LYPLAL1: variants seen among roughly 807,000 people sequenced by gnomAD.
The protein encoded by LYPLAL1 is lysophospholipase-like protein 1.
In LYPLAL1, 23 loss-of-function variants were observed where a neutral mutation model predicts 19.7. That is an observed-to-expected ratio of 1.17 (90% CI 0.84 to 1.65). The LOEUF (loss-of-function observed/expected upper bound fraction) is 1.65, where lower values mean the gene tolerates loss of function less well. Ranked by LOEUF, LYPLAL1 falls within the 40% of genes most tolerant of loss-of-function variation. The probability of loss-of-function intolerance (pLI) is 0.00; values close to 1 mark genes in which losing one functional copy is unlikely to be tolerated. For missense variants in LYPLAL1, 355 were observed against 279.4 expected (o/e 1.27, Z -1.93); for synonymous variants, 119 against 96.3 (o/e 1.24, Z -1.38).
At chr1:219,343,153 A>G in the LYPLAL1 span, among the ~76,000 whole-genome samples, 7 of 152,322 alleles carry the variant, frequency 4.6e-5, no homozygotes, top group African/African-American at 1.2e-4. Flanking sequence ...CTCCTCCCCA[A>G]TCAGCAATGA....
the LYPLAL1 span, among the ~76,000 whole-genome samples, chr1:219,329,299 G>C: frequency 6.6e-6 from 1 of 152,100 alleles, no homozygotes; most frequent in Middle Eastern, 3.2e-3. Context: ...AATATGAAAA[G>C]TCTTAACATG....
At chr1:219,306,608 C>T in the LYPLAL1 span, among the ~76,000 whole-genome samples, 5 of 152,010 alleles carry the variant, frequency 3.3e-5, no homozygotes, top group South Asian at 4.2e-4. Context: ...GCCTATTAGA[C>T]TTGGACTGGA....
At chr1:219,362,986 A>G in the LYPLAL1 span, among the ~76,000 whole-genome samples, 1 of 152,080 alleles carries the variant, frequency 6.6e-6, no homozygotes, top group African/African-American at 2.4e-5. Flanking sequence ...TTTTATTGCT[A>G]TATATGTTTT....
At chr1:219,180,745 T>G (rs1000064757) in intron 2 of LYPLAL1, among the ~76,000 whole-genome samples, 3 of 152,216 alleles carry the variant, frequency 2.0e-5, no homozygotes, top group African/African-American at 7.2e-5. Flanking sequence ...AACCTTATTC[T>G]AGGAATTAAT....
the LYPLAL1 span, among the ~76,000 whole-genome samples, chr1:219,235,195 C>A: frequency 2.0e-5 from 3 of 152,154 alleles, no homozygotes; most frequent in Non-Finnish European, 4.4e-5. Flanking sequence ...AGACACTTTG[C>A]AGAAGCTTGA....
chr1:219,355,703 A>C, the LYPLAL1 span, among the ~76,000 whole-genome samples: 1 of 152,184 alleles, frequency 6.6e-6, no homozygotes, highest in Non-Finnish European at 1.5e-5. Flanking sequence ...ATTCACCAAG[A>C]TAGACCATAT....
chr1:219,311,298 G>A, the LYPLAL1 span, among the ~76,000 whole-genome samples: 7 of 152,254 alleles, frequency 4.6e-5, no homozygotes, highest in Middle Eastern at 6.8e-3. Flanking sequence ...CTGAAAAATG[G>A]TGAAGTGTGA....
chr1:219,244,660 T>C, the LYPLAL1 span, among the ~76,000 whole-genome samples: 325 of 152,174 alleles, frequency 2.1e-3, 2 homozygotes, highest in African/African-American at 7.5e-3. Flanking sequence ...AAAAGACCAC[T>C]TGTGGCTGGG....
chr1:219,306,791 T>C, the LYPLAL1 span, among the ~76,000 whole-genome samples: 3 of 149,728 alleles, frequency 2.0e-5, no homozygotes, highest in Non-Finnish European at 4.5e-5. Flanking sequence ...GATAGATACA[T>C]AGACAGATGC....
chr1:219,222,401 T>C, the LYPLAL1 span: 1 of 152,090 alleles, frequency 6.6e-6, no homozygotes, highest in Non-Finnish European at 1.5e-5. Flanking sequence ...TTGTTTCCCA[T>C]GGGAAATTGT....
intron 2 of LYPLAL1, among the ~76,000 whole-genome samples, chr1:219,187,080 T>G (rs1182245453): frequency 6.6e-6 from 1 of 151,662 alleles, no homozygotes; most frequent in Non-Finnish European, 1.5e-5. Flanking sequence ...ATCCCCATCT[T>G]GTGTATGTTA....
chr1:219,303,716 G>C, the LYPLAL1 span, among the ~76,000 whole-genome samples: 1 of 152,146 alleles, frequency 6.6e-6, no homozygotes, highest in South Asian at 2.1e-4. Flanking sequence ...CTTTGGTCTG[G>C]CTTATGTTCT....
At chr1:219,409,687 C>T in the LYPLAL1 span, 1 of 152,262 alleles carries the variant, frequency 6.6e-6, no homozygotes, top group Admixed American at 6.5e-5. Context: ...ACTTGAGTTC[C>T]TCAGCAGTGT....
chr1:219,420,396 C>T, the LYPLAL1 span, among the ~76,000 whole-genome samples: 24 of 152,316 alleles, frequency 1.6e-4, no homozygotes, highest in African/African-American at 4.8e-4. Context: ...TCTACCTTTT[C>T]ATAATCCTAA....
chr1:219,346,088 C>G, the LYPLAL1 span, among the ~76,000 whole-genome samples: 1 of 152,158 alleles, frequency 6.6e-6, no homozygotes, highest in Non-Finnish European at 1.5e-5. Flanking sequence ...AGGGCTTGTT[C>G]CTCACCTCAC....
At chr1:219,264,515 A>G in the LYPLAL1 span, among the ~76,000 whole-genome samples, 34,175 of 152,192 alleles carry the variant, frequency 0.22, 4,140 homozygotes, top group African/African-American at 0.29. Context: ...TCATCCTCTC[A>G]TGATGGCTTT....
chr1:219,427,500 A>T, the LYPLAL1 span, among the ~76,000 whole-genome samples: 1 of 152,208 alleles, frequency 6.6e-6, no homozygotes, highest in Non-Finnish European at 1.5e-5. Context: ...TACTATCTTC[A>T]CTGAGGCTGC....
the LYPLAL1 span, among the ~76,000 whole-genome samples, chr1:219,376,401 A>G: frequency 6.6e-6 from 1 of 152,232 alleles, no homozygotes; most frequent in Non-Finnish European, 1.5e-5. Context: ...TATTGGGAGG[A>G]AATTTTATGA....
the LYPLAL1 span, among the ~76,000 whole-genome samples, chr1:219,224,728 G>A: frequency 6.6e-6 from 1 of 152,118 alleles, no homozygotes; most frequent in Non-Finnish European, 1.5e-5. Flanking sequence ...TTTTAGCTCA[G>A]TTTTTACTGT....
Sources: gnomAD v4.1 joint callset for allele counts (sites outside exome capture counted in the v4.1 genomes callset) on GRCh38, gnomAD v4.1.1 for gene constraint, MANE v1.5 for transcripts, NCBI Gene and HGNC (gene_info 2026-07-23, HGNC 2026-07-21) for gene names.